Variants in FBXL4 observed in about 807,000 individuals in gnomAD.
The protein encoded by FBXL4 is F-box and leucine rich repeat protein 4.
A neutral mutation model predicts 58.9 loss-of-function variants in FBXL4; 40 were observed. The observed-to-expected ratio is 0.68, with a 90% CI of 0.53 to 0.88. FBXL4 has a LOEUF of 0.88. Among genes scored for constraint, FBXL4 ranks in the 40% least tolerant of loss-of-function variants. The pLI is 0.00. For missense variants in FBXL4, 676 were observed against 734.4 expected (o/e 0.92, Z 0.92); for synonymous variants, 263 against 265.5 (o/e 0.99, Z 0.09).
chr6:98,945,665 T>C (rs763952228), intron 1 of FBXL4, among the ~76,000 whole-genome samples: 1 of 152,204 alleles, frequency 6.6e-6, no homozygotes, highest in Admixed American at 6.5e-5. Flanking sequence ...CAAATGGATA[T>C]GAGGATATCT....
intron 6 of FBXL4, among the ~76,000 whole-genome samples, chr6:98,901,385 G>A (rs988675682): frequency 6.6e-6 from 1 of 152,018 alleles, no homozygotes. Context: ...GCAAAATGAT[G>A]GCGAGATGAG....
intron 2 of FBXL4, among the ~76,000 whole-genome samples, chr6:98,928,582 G>A (rs928951872): frequency 5.9e-5 from 9 of 152,042 alleles, no homozygotes; most frequent in East Asian, 3.9e-4. Flanking sequence ...TGCCTGCCTC[G>A]GCCTCCCAAA....
At chr6:98,919,700 T>C (rs540930704) in intron 4 of FBXL4, among the ~76,000 whole-genome samples, 3 of 152,306 alleles carry the variant, frequency 2.0e-5, no homozygotes, top group African/African-American at 7.2e-5. Flanking sequence ...AAAACAGAGC[T>C]AGCCATATAG....
chr6:98,939,577 C>G (rs575667549), intron 1 of FBXL4, among the ~76,000 whole-genome samples: 2 of 152,134 alleles, frequency 1.3e-5, no homozygotes, highest in Non-Finnish European at 2.9e-5. Context: ...ATTCTCTTTT[C>G]TTTTTTCACA....
chr6:98,883,400 T>C (rs1770919095), intron 7 of FBXL4, among the ~76,000 whole-genome samples: 1 of 152,028 alleles, frequency 6.6e-6, no homozygotes, highest in Non-Finnish European at 1.5e-5. Flanking sequence ...TTTTCTGAGA[T>C]GTGAACATTT....
chr6:98,926,511 T>C lies in FBXL4; in HGVS notation c.478A>G (p.Asn160Asp). Reference protein sequence around the residue: ...AVIRILACSANPYSPNPPAEV... With the variant: ...AVIRILACSADPYSPNPPAEV... Reference sequence around the variant, plus strand: ...GCTGGTGGATTTGGGGAATAAGGATTTGCAGAACAAGCGAGAATTCTAATG... The same window carrying C: ...GCTGGTGGATTTGGGGAATAAGGATCTGCAGAACAAGCGAGAATTCTAATG... Residue 160 changes from asparagine to aspartate, a missense_variant, in exon 4 of 10, where the codon AAT (asparagine) becomes GAT (aspartate). Transcript: ENST00000369244. The C allele has an allele frequency of 1.2e-6, 2 of 1,612,152 alleles. No individual in the cohort carries two copies. Among genetic ancestry groups the C allele is most frequent in the South Asian group, 1.1e-5 (1 of 90,868 alleles).
intron 1 of FBXL4, among the ~76,000 whole-genome samples, chr6:98,935,397 AT>A (rs1255067552): frequency 6.6e-6 from 1 of 152,048 alleles, no homozygotes; most frequent in African/African-American, 2.4e-5. Flanking sequence ...TATGTTTCTA[AT>A]TACACAGGTA....
At chr6:98,946,920 G>A (rs940024710) in intron 1 of FBXL4, among the ~76,000 whole-genome samples, 1 of 152,162 alleles carries the variant, frequency 6.6e-6, no homozygotes, top group Admixed American at 6.5e-5. Flanking sequence ...CAGGAAGTGA[G>A]CCTGAAAGAA....
Position 98,917,649 on chromosome 6 carries a change from T to C in FBXL4, c.583A>G (p.Ile195Val), listed in dbSNP as rs895268542. 1.3e-5 allele frequency: 21 copies of C among 1,613,830 alleles called. No homozygotes were observed. Among genetic ancestry groups the C allele is most frequent in the Non-Finnish European group, 1.7e-5 (20 of 1,179,888 alleles). ...TTTGTGGGGAAATTTATCTGCTTAATACAAGGTTTAAACTGGCGAGCTTGG... is the reference window on the plus strand; with the variant it reads ...TTTGTGGGGAAATTTATCTGCTTAACACAAGGTTTAAACTGGCGAGCTTGG... Reference protein sequence around the residue: ...ASQARQFKPCIKQINFPTNLI... With the variant: ...ASQARQFKPCVKQINFPTNLI... Residue 195 changes from isoleucine (I) to valine (V), a missense_variant, in exon 5 of 10, where the codon ATT becomes GTT. Physicochemically the swap from Ile to Val is conservative, Grantham distance 29. Transcript: ENST00000369244.
chr6:98,917,080 T>C (rs539467063), intron 5 of FBXL4, among the ~76,000 whole-genome samples: 1 of 152,246 alleles, frequency 6.6e-6, no homozygotes, highest in South Asian at 2.1e-4. Context: ...GTAATATGAA[T>C]TAAAGTGGAT....
intron 7 of FBXL4, among the ~76,000 whole-genome samples, chr6:98,885,107 GTGTT>G (rs1184755472): frequency 6.6e-5 from 10 of 152,184 alleles, no homozygotes; most frequent in East Asian, 1.9e-4. Context: ...ATAATTCTGG[GTGTT>G]TGTTTGTTTT....
chr6:98,917,601 T>C lies in FBXL4; in HGVS notation c.631A>G (p.Ser211Gly). The stretch of plus-strand genomic sequence containing the variant: ...TCAGTGTAATATTCCAGAAGAGAAC[T>C]ATTTACTTCCAGTCGTATAAGATTT... ...PTNLIRLEVN[S>G]SLLEYYTELD... The change falls in exon 5 of 10, where the codon AGT becomes GGT. Residue 211 changes from serine to glycine, a missense_variant. Coordinates refer to ENST00000369244, the MANE Select transcript of FBXL4 (RefSeq NM_001278716.2). 2 of 1,614,032 alleles carry C rather than the reference T, an allele frequency of 1.2e-6. No homozygotes were observed. The highest frequency in any genetic ancestry group is 1.7e-6 in the Non-Finnish European group (2 of 1,179,902).
At chr6:98,942,017 C>T (rs540206912) in intron 1 of FBXL4, among the ~76,000 whole-genome samples, 2 of 150,934 alleles carry the variant, frequency 1.3e-5, no homozygotes, top group African/African-American at 4.9e-5. Flanking sequence ...TACAAGAAAC[C>T]TAACATCTAT....
At chr6:98,877,817 A>G (rs1326337589) in intron 8 of FBXL4, among the ~76,000 whole-genome samples, 2 of 152,202 alleles carry the variant, frequency 1.3e-5, no homozygotes, top group Admixed American at 1.3e-4. Context: ...TCAGCATTAT[A>G]TAATAGTGGA....
chr6:98,913,753 G>C (rs375418049), intron 5 of FBXL4, among the ~76,000 whole-genome samples: 1 of 152,104 alleles, frequency 6.6e-6, no homozygotes, highest in East Asian at 1.9e-4. Context: ...ACAATTAAAA[G>C]AACTAGAAAA....
At chr6:98,905,333 C>T in intron 6 of FBXL4, 93 bp downstream of exon 6, 1 of 1,400,490 alleles carries the variant, frequency 7.1e-7, no homozygotes, top group Admixed American at 2.1e-5. Context: ...GTACATGTTA[C>T]ATAATTTCAA....
At chr6:98,888,944 G>A (rs1426418778) in intron 7 of FBXL4, among the ~76,000 whole-genome samples, 1 of 152,184 alleles carries the variant, frequency 6.6e-6, no homozygotes, top group African/African-American at 2.4e-5. Flanking sequence ...ATAACTTCAA[G>A]TAATAAATTC....
chr6:98,924,282 C>T (rs550217535), intron 4 of FBXL4, among the ~76,000 whole-genome samples: 1 of 152,290 alleles, frequency 6.6e-6, no homozygotes, highest in South Asian at 2.1e-4. Context: ...TCCTGCCATG[C>T]ACAGTGGCTC....
chr6:98,931,570 A>C (rs1189953949), intron 2 of FBXL4, among the ~76,000 whole-genome samples: 3 of 152,250 alleles, frequency 2.0e-5, no homozygotes, highest in Non-Finnish European at 2.9e-5. Context: ...TGATATACCA[A>C]AAAAGCAAAT....
Sources: gnomAD v4.1 joint callset for allele counts (sites outside exome capture counted in the v4.1 genomes callset) on GRCh38, gnomAD v4.1.1 for gene constraint, MANE v1.5 for transcripts, NCBI Gene and HGNC (gene_info 2026-07-23, HGNC 2026-07-21) for gene names.